OR7A10: variants seen among roughly 807,000 people sequenced by gnomAD.
OR7A10 encodes olfactory receptor family 7 subfamily A member 10.
For synonymous variants in OR7A10, 144 were observed against 144.5 expected, an observed-to-expected ratio of 1.00 and a Z score of 0.02; for missense variants, 358 against 370.1, an observed-to-expected ratio of 0.97 and a Z score of 0.27.
chr19:14,840,831 C>T lies in OR7A10; in HGVS notation c.*117G>A. The stretch of plus-strand genomic sequence containing the variant: ...GTTGAGGAACAAAGAAGTTTAAACT[C>T]CAGGAAATAAATGGAAGGGGCAAGT... On this transcript the variant is annotated 3_prime_UTR_variant, in exon 2 of 2. Transcript: ENST00000641129. 1 of 708,146 alleles carries T rather than the reference C, an allele frequency of 1.4e-6. No individual in the cohort carries two copies. The highest frequency in any genetic ancestry group is 2.3e-6 in the Non-Finnish European group (1 of 427,394). The allele number at this position is 708,146 out of a possible 1,614,324, so 43.9% of individuals were successfully genotyped here. A position where few individuals can be genotyped will look rare whatever the true frequency, so the allele number is the denominator to read the frequency against.
chr19:14,848,135 T>A (rs74440311), intron 1 of OR7A10, among the ~76,000 whole-genome samples: 1 of 144,844 alleles, frequency 6.9e-6, no homozygotes, highest in South Asian at 2.3e-4. Flanking sequence ...AAAAAAAAAA[T>A]GCCCTCACTT....
intron 1 of OR7A10, among the ~76,000 whole-genome samples, chr19:14,848,194 T>C (rs2044952461): frequency 6.6e-6 from 1 of 152,112 alleles, no homozygotes; most frequent in Non-Finnish European, 1.5e-5. Context: ...TCCCACTTAA[T>C]TGCAGTGATG....
intron 1 of OR7A10, among the ~76,000 whole-genome samples, chr19:14,844,680 T>TTTTTTTTTTTTTTTTTTTTTTTTTGA (rs1599932586): frequency 6.9e-6 from 1 of 145,872 alleles, no homozygotes; most frequent in East Asian, 2.0e-4. Flanking sequence ...TTTTTTTTTT[T>TTTTTTTTTTTTTTTTTTTTTTTTTGA]GAGATGGAGT....
Position 14,840,811 on chromosome 19 carries a change from G to T in OR7A10, c.*137C>A. On this transcript the variant is annotated 3_prime_UTR_variant, in exon 2 of 2. Transcript: ENST00000641129. ...AGTGTAAGCTCTATAAAGTAGTTGA[G>T]GAACAAAGAAGTTTAAACTCCAGGA... 1 of 623,868 alleles carries T rather than the reference G, an allele frequency of 1.6e-6. No homozygotes were observed. The highest frequency in any genetic ancestry group is 2.8e-6 in the Non-Finnish European group (1 of 357,244). The allele number at this position is 623,868 out of a possible 1,614,324, so 38.6% of individuals were successfully genotyped here. A position where few individuals can be genotyped will look rare whatever the true frequency, so the allele number is the denominator to read the frequency against.
chr19:14,843,601 G>A (rs547331449), intron 1 of OR7A10, among the ~76,000 whole-genome samples: 1 of 152,168 alleles, frequency 6.6e-6, no homozygotes, highest in Non-Finnish European at 1.5e-5. Flanking sequence ...TTGTGAATCT[G>A]GTCCCCGTTA....
chr19:14,847,896 G>A (rs1422660864), intron 1 of OR7A10, among the ~76,000 whole-genome samples: 2 of 151,662 alleles, frequency 1.3e-5, no homozygotes, highest in Non-Finnish European at 2.9e-5. Context: ...AGGCCGAGGT[G>A]GGTGGATCAC....
rs1348866444 is a variant in OR7A10, at chr19:14,844,664, G to GTTTTTTTTTT, written c.-12-2785_-12-2776dup. Among the ~76,000 whole-genome samples, 54 of 97,660 alleles carry GTTTTTTTTTT rather than the reference G, an allele frequency of 5.5e-4. 7 individuals carry two copies. The highest frequency in any genetic ancestry group is 4.8e-3 in the South Asian group (12 of 2,490). 64.1% of individuals were successfully genotyped at this position (97,660 alleles called of 152,430 possible). On this transcript the variant is annotated intron_variant, in intron 1 of 1. Transcript: ENST00000641129. ...TTTTCACTGTTGCCTTGAGTTCTGTGTTTTTTTTTTTTTTTTGAGATGGAG... is the reference window on the plus strand; with the variant it reads ...TTTTCACTGTTGCCTTGAGTTCTGTGTTTTTTTTTTTTTTTTTTTTTTTTTTGAGATGGAG...
rs182576087 is a variant in OR7A10, at chr19:14,841,414, T to C, written c.464A>G (p.Asn155Ser). The C allele has an allele frequency of 6.2e-7, 1 of 1,614,146 alleles. No individual in the cohort carries two copies. The highest frequency in any genetic ancestry group is 2.2e-5 in the East Asian group (1 of 44,880). ...CACCATTAAGCTTTGTAACATGGAA[T>C]TCAGAACACTCATGATCCAGGATGC... is the stretch of plus-strand genomic sequence containing the variant. The part of the protein sequence containing the change: ...VLASWIMSVL[N>S]SMLQSLMVLP... The change falls in exon 2 of 2, where the codon AAT becomes AGT. Residue 155 changes from asparagine (N) to serine (S), a missense_variant. Asn to Ser is a conservative substitution (Grantham distance 46). Transcript: ENST00000641129.
chr19:14,847,657 C>T (rs1359293674), intron 1 of OR7A10, among the ~76,000 whole-genome samples: 3 of 151,986 alleles, frequency 2.0e-5, no homozygotes, highest in Non-Finnish European at 4.4e-5. Flanking sequence ...ACTACAAGCG[C>T]CCGCCACCAC....
chr19:14,844,954 T>C (rs1399726611), intron 1 of OR7A10, among the ~76,000 whole-genome samples: 1 of 151,124 alleles, frequency 6.6e-6, no homozygotes, highest in Non-Finnish European at 1.5e-5. Context: ...TAAGCCACCA[T>C]GCCAGGCCAA....
chr19:14,844,666 T>G (rs113005157), intron 1 of OR7A10, among the ~76,000 whole-genome samples: 1 of 131,906 alleles, frequency 7.6e-6, no homozygotes, highest in Non-Finnish European at 1.6e-5. Context: ...AGTTCTGTGT[T>G]TTTTTTTTTT....
rs776109142 is a variant in OR7A10, at chr19:14,841,756, C to T, written c.122G>A (p.Gly41Glu). Reference sequence around the variant, plus strand: ...TGTGGCCAGGATGATGAGCAGGTTCCCGAGCACAGTGACCAGGTACATGGA... The same window carrying T: ...TGTGGCCAGGATGATGAGCAGGTTCTCGAGCACAGTGACCAGGTACATGGA... ...FLSMYLVTVL[G>E]NLLIILATIS... Residue 41 changes from glycine (G) to glutamate (E), a missense_variant, in exon 2 of 2, where the codon GGG becomes GAG. By Grantham distance (98) the Gly-to-Glu change is moderately conservative. Transcript: ENST00000641129. 1.2e-6 allele frequency: 2 copies of T among 1,614,002 alleles called. No homozygotes were observed. The highest frequency in any genetic ancestry group is 1.7e-6 in the Non-Finnish European group (2 of 1,180,004).
intron 1 of OR7A10, 28 bp from the exon 2 acceptor site, chr19:14,841,917 AG>A: frequency 7.3e-7 from 1 of 1,363,020 alleles, no homozygotes; most frequent in Non-Finnish European, 1.0e-6. Context: ...AGAGAGAGAG[AG>A]AGAGTGAAAG....
chr19:14,841,036 A>G lies in OR7A10; in HGVS notation c.842T>C (p.Val281Ala). The G allele has an allele frequency of 1.2e-6, 2 of 1,614,046 alleles. No individual in the cohort carries two copies. The highest frequency in any genetic ancestry group is 1.7e-6 in the Non-Finnish European group (2 of 1,179,968). ...GAAASVMYTV[V>A]TPMLNPFIYS... ...GATGAAGGGGTTCAGCATGGGGGTG[A>G]CCACAGTGTACATCACTGAGGCTGC... Residue 281 changes from valine to alanine, a missense_variant, in exon 2 of 2, where the codon GTC (valine) becomes GCC (alanine). Coordinates refer to ENST00000641129, the MANE Select transcript of OR7A10 (RefSeq NM_001005190.2).
rs2044907167 is a variant in OR7A10 at position 14,840,975 on chromosome 19, C to T, written c.903G>A (p.Met301Ile). 9.9e-6 allele frequency: 16 copies of T among 1,611,888 alleles called. No homozygotes were observed. Among genetic ancestry groups the T allele is most frequent in the Non-Finnish European group, 1.3e-5 (15 of 1,179,318 alleles). ...SLRNKHIKGA[M>I]KTFFRGKQ The stretch of plus-strand genomic sequence containing the variant: ...ATTGCTTTCCTCTGAAGAATGTTTT[C>T]ATAGCACCCTTTATGTGTTTATTCC... The change falls in exon 2 of 2, where the codon ATG (methionine) becomes ATA (isoleucine). Residue 301 changes from methionine (M) to isoleucine (I), a missense_variant. Transcript: ENST00000641129.
intron 1 of OR7A10, among the ~76,000 whole-genome samples, chr19:14,842,265 T>C (rs925124384): frequency 6.6e-6 from 1 of 152,224 alleles, no homozygotes; most frequent in East Asian, 1.9e-4. Flanking sequence ...CTTGTTTTCT[T>C]TTTTGAGATG....
rs577345061 is a variant in OR7A10 at position 14,841,596 on chromosome 19, A to C, written c.282T>G (p.Tyr94Ter). The C allele has an allele frequency of 4.3e-6, 7 of 1,614,220 alleles. No individual in the cohort carries two copies. The African/African-American group carries it at 9.3e-5, about 22-fold the overall frequency. ...NIQTHNKVITYAGCITQMCFF... is the reference protein window; with the variant it reads ...NIQTHNKVIT ...AGCACATCTGGGTGATGCAGCCTGC[A>C]TAGGTGATGACTTTGTTGTGTGTCT... The change falls in exon 2 of 2, where the codon TAT becomes TAG. Residue 94 changes from tyrosine (Y) to a stop codon, truncating the protein, a stop_gained. Transcript: ENST00000641129. LOFTEE classifies it low-confidence loss of function (END_TRUNC).
At position 14,841,455 on chromosome 19, in the gene OR7A10, A is replaced by G. The variant is rs1269253186; in HGVS notation, c.423T>C (p.Cys141=). ...TCCAGGATGCCAGAACCAGCAGTCC[A>G]CAGAGTTGAGGGTTCATAATGACCA... ...HYMVIMNPQL[C]GLLVLASWIM... The change falls in exon 2 of 2, where the codon TGT becomes TGC. Residue 141 remains cysteine (C), a synonymous_variant. Coordinates refer to ENST00000641129, the MANE Select transcript of OR7A10 (RefSeq NM_001005190.2). The G allele has an allele frequency of 6.2e-7, 1 of 1,614,238 alleles. No homozygotes were observed.
In OR7A10 at chr19:14,841,619, T is replaced by C. The variant is rs750293115; in HGVS notation, c.259A>G (p.Thr87Ala). 24 of 1,614,070 alleles carry C rather than the reference T, an allele frequency of 1.5e-5. No individual in the cohort carries two copies. The South Asian group carries it at 2.3e-4, about 16-fold the overall frequency. Residue 87 changes from threonine (T) to alanine (A), a missense_variant, in exon 2 of 2, where the codon ACA becomes GCA. Thr to Ala is a moderately conservative substitution (Grantham distance 58). Transcript: ENST00000641129. ...TVPKMLVNIQTHNKVITYAGC... is the reference protein window; with the variant it reads ...TVPKMLVNIQAHNKVITYAGC... Reference sequence around the variant, plus strand: ...GCATAGGTGATGACTTTGTTGTGTGTCTGGATGTTCACCAGCATCTTCGGG... The same window carrying C: ...GCATAGGTGATGACTTTGTTGTGTGCCTGGATGTTCACCAGCATCTTCGGG...
Sources: allele counts gnomAD v4.1 joint callset (sites outside exome capture counted in the v4.1 genomes callset), GRCh38; gene constraint gnomAD v4.1.1; transcripts MANE v1.5; gene names NCBI Gene and HGNC (gene_info 2026-07-23, HGNC 2026-07-21).